Variants in GNG2 observed in about 807,000 individuals in gnomAD.
GNG2 encodes the protein G protein subunit gamma 2.
A neutral mutation model predicts 5.5 loss-of-function variants in GNG2; 5 were observed. The observed-to-expected ratio is 0.91, with a 90% CI of 0.48 to 1.92. The LOEUF is 1.92. GNG2 is among the 30% of genes most tolerant of loss of function. The pLI, the probability that GNG2 is intolerant of heterozygous loss-of-function variation, is 0.01. For missense variants in GNG2, 55 were observed against 88.4 expected (o/e 0.62, Z 1.52); for synonymous variants, 28 against 32.0 (o/e 0.88, Z 0.42).
chr14:51,938,591 A>G (rs1277398836), intron 2 of GNG2, among the ~76,000 whole-genome samples: 1 of 152,252 alleles, frequency 6.6e-6, no homozygotes, highest in Admixed American at 6.5e-5. Context: ...AGAGCAGACT[A>G]GAATCCAGCT....
At chr14:51,965,321 G>A (rs762332921) in intron 3 of GNG2, among the ~76,000 whole-genome samples, 2 of 152,160 alleles carry the variant, frequency 1.3e-5, no homozygotes, top group Non-Finnish European at 2.9e-5. Flanking sequence ...TAGTACAGTG[G>A]TGTTGCTTTC....
intron 2 of GNG2, among the ~76,000 whole-genome samples, chr14:51,944,722 C>T (rs1469735079): frequency 1.3e-5 from 2 of 152,158 alleles, no homozygotes; most frequent in African/African-American, 2.4e-5. Flanking sequence ...AGGGCAAAAG[C>T]TTCATGACAT....
At chr14:51,901,870 G>A (rs57060103) in intron 2 of GNG2, among the ~76,000 whole-genome samples, 11,135 of 145,258 alleles carry the variant, frequency 0.077, 848 homozygotes, top group East Asian at 0.24. Flanking sequence ...CAGTATAACA[G>A]TGAAGTTATT....
intron 2 of GNG2, among the ~76,000 whole-genome samples, chr14:51,837,045 G>A (rs1440893239): frequency 6.6e-6 from 1 of 151,750 alleles, no homozygotes. Context: ...TTTTAGTAGA[G>A]ACGGGGCTTC....
intron 1 of GNG2, among the ~76,000 whole-genome samples, chr14:51,872,816 TTTTA>T (rs1883399455): frequency 6.6e-6 from 1 of 152,236 alleles, no homozygotes; most frequent in Non-Finnish European, 1.5e-5. Flanking sequence ...CATGTTTGCA[TTTTA>T]AAAATAGATG....
chr14:51,857,856 G>A (rs763285467), upstream of GNG2, among the ~76,000 whole-genome samples: 1 of 152,206 alleles, frequency 6.6e-6, no homozygotes, highest in Non-Finnish European at 1.5e-5. Flanking sequence ...GGCTTTGGAT[G>A]AAGGTATAGT....
chr14:51,868,452 G>T (rs1883073716), intron 1 of GNG2, among the ~76,000 whole-genome samples: 1 of 152,170 alleles, frequency 6.6e-6, no homozygotes, highest in African/African-American at 2.4e-5. Flanking sequence ...TGCTTTGATG[G>T]ATTGAAGTAG....
At chr14:51,915,873 A>G (rs1218192813) in intron 2 of GNG2, among the ~76,000 whole-genome samples, 1 of 152,238 alleles carries the variant, frequency 6.6e-6, no homozygotes, top group Non-Finnish European at 1.5e-5. Flanking sequence ...GCAGAATGCT[A>G]CATCCAGGTT....
At chr14:51,902,717 C>T (rs953703845) in intron 2 of GNG2, among the ~76,000 whole-genome samples, 3 of 152,048 alleles carry the variant, frequency 2.0e-5, no homozygotes, top group Admixed American at 1.3e-4. Context: ...CATAGAGAGA[C>T]ACTGTCTGTA....
chr14:51,871,485 T>C (rs1319894474), intron 1 of GNG2, among the ~76,000 whole-genome samples: 2 of 152,202 alleles, frequency 1.3e-5, no homozygotes, highest in African/African-American at 4.8e-5. Context: ...GGCAAATTGC[T>C]TAAGCTTTCT....
chr14:51,907,554 A>G (rs868486919), intron 2 of GNG2, among the ~76,000 whole-genome samples: 88 of 152,366 alleles, frequency 5.8e-4, no homozygotes, highest in African/African-American at 2.0e-3. Flanking sequence ...AACAATGGAC[A>G]GCTTTTCCCA....
Position 51,861,931 on chromosome 14 carries a change from AAG to A in GNG2, c.-71+1145_-71+1146del, listed in dbSNP as rs146971494. Reference sequence around the variant, plus strand: ...TGAAAGGAGATAATTTTTCAAAAGAAAGAGAAAAAACTGCTTATAGTGGAGTA... The same window carrying A: ...TGAAAGGAGATAATTTTTCAAAAGAAAGAAAAAACTGCTTATAGTGGAGTA... On this transcript the variant is annotated intron_variant, in intron 1 of 3. Coordinates refer to ENST00000556766, the MANE Select transcript of GNG2 (RefSeq NM_053064.5). Among the ~76,000 whole-genome samples the A allele has an allele frequency of 7.8e-3, 1,184 of 152,352 alleles. 15 individuals are homozygous for A. The highest frequency in any genetic ancestry group is 0.027 in the African/African-American group (1,139 of 41,584).
intron 2 of GNG2, among the ~76,000 whole-genome samples, chr14:51,839,024 A>G (rs1881413503): frequency 1.4e-5 from 2 of 142,350 alleles, no homozygotes; most frequent in Admixed American, 7.4e-5. Flanking sequence ...AAGACTACCT[A>G]TTGTCATGAT....
intron 2 of GNG2, among the ~76,000 whole-genome samples, chr14:51,884,401 T>C (rs1884302054): frequency 6.6e-6 from 1 of 152,216 alleles, no homozygotes; most frequent in South Asian, 2.1e-4. Context: ...TGGGGTATAT[T>C]ATCTCCCTTT....
intron 2 of GNG2, among the ~76,000 whole-genome samples, chr14:51,942,423 C>T (rs1888371007): frequency 6.6e-6 from 1 of 152,042 alleles, no homozygotes; most frequent in Non-Finnish European, 1.5e-5. Context: ...ATTGTCATAG[C>T]CCTAACCAAC....
intron 2 of GNG2, among the ~76,000 whole-genome samples, chr14:51,847,681 C>G (rs1217136796): frequency 1.3e-5 from 2 of 152,030 alleles, no homozygotes; most frequent in Admixed American, 1.3e-4. Context: ...TTATCACAGA[C>G]GAGAGGGGCC....
Position 51,921,343 on chromosome 14 carries a change from A to G in GNG2, c.-29-29307A>G, listed in dbSNP as rs181798279. Among the ~76,000 whole-genome samples the G allele has an allele frequency of 7.2e-5, 11 of 152,344 alleles. No individual in the cohort carries two copies. The East Asian group carries it at 9.7e-4, about 13-fold the overall frequency. On this transcript the variant is annotated intron_variant, in intron 2 of 3. Transcript: ENST00000556766. ...TGGTATGTAAGAAGTGTTAACTGCT[A>G]TTACTATTCCCTGAAAGAAGGTCAC...
chr14:51,883,212 T>C (rs143441197), intron 2 of GNG2, among the ~76,000 whole-genome samples: 3 of 152,268 alleles, frequency 2.0e-5, no homozygotes, highest in Non-Finnish European at 2.9e-5. Context: ...ATCCTTGGCT[T>C]AACTATGAAA....
chr14:51,945,337 G>T (rs1326908544), intron 2 of GNG2, among the ~76,000 whole-genome samples: 1 of 152,112 alleles, frequency 6.6e-6, no homozygotes, highest in African/African-American at 2.4e-5. Flanking sequence ...ACATACAATG[G>T]AATATTATTC....
Sources: allele counts gnomAD v4.1 joint callset (sites outside exome capture counted in the v4.1 genomes callset), GRCh38; gene constraint gnomAD v4.1.1; transcripts MANE v1.5; gene names NCBI Gene and HGNC (gene_info 2026-07-23, HGNC 2026-07-21).